The following GFRA2 variants were observed in gnomAD, a reference collection of about 807,000 sequenced individuals.
GFRA2 encodes the protein GDNF family receptor alpha-2.
GFRA2 carries 17 observed loss-of-function variants against 48.3 expected under a neutral mutation model. That is an observed-to-expected ratio of 0.35 (90% CI 0.24 to 0.53). The LOEUF is 0.53. Among genes scored for constraint, GFRA2 ranks in the 20% least tolerant of loss-of-function variants. The pLI is 0.93. For synonymous variants in GFRA2, 305 were observed against 257.2 expected, an observed-to-expected ratio of 1.19 and a Z score of -1.78; for missense variants, 660 against 637.3, an observed-to-expected ratio of 1.04 and a Z score of -0.38.
At chr8:21,694,742 A>C (rs1802070372) in intron 7 of GFRA2, among the ~76,000 whole-genome samples, 1 of 152,178 alleles carries the variant, frequency 6.6e-6, no homozygotes, top group Non-Finnish European at 1.5e-5. Context: ...TGGAGAACAG[A>C]GTTCTAACTC....
chr8:21,698,341 A>G (rs1802311653), intron 7 of GFRA2, among the ~76,000 whole-genome samples: 1 of 152,236 alleles, frequency 6.6e-6, no homozygotes, highest in South Asian at 2.1e-4. Context: ...GAAGAAGGAC[A>G]GTGGGAAAGG....
At chr8:21,733,426 G>A (rs754639908) in intron 4 of GFRA2, among the ~76,000 whole-genome samples, 3 of 152,122 alleles carry the variant, frequency 2.0e-5, no homozygotes, top group Admixed American at 1.3e-4. Context: ...CCCCAGCATC[G>A]GCTTAGAATG....
intron 4 of GFRA2, among the ~76,000 whole-genome samples, chr8:21,749,012 C>T (rs922614587): frequency 6.6e-6 from 1 of 152,178 alleles, no homozygotes. Context: ...ATGGCAGATG[C>T]CCCTCTCCTG....
In GFRA2 at chr8:21,750,753, C is replaced by T. The variant is rs532186500; in HGVS notation, c.629G>A (p.Arg210Gln). Reference sequence around the variant, plus strand: ...GCGGTAGGTGTACTCGCTGGGCACCCGGTCGAAGAACTGGCGCAGGGCCTT... The same window carrying T: ...GCGGTAGGTGTACTCGCTGGGCACCTGGTCGAAGAACTGGCGCAGGGCCTT... ...CHKALRQFFD[R>Q]VPSEYTYRML... is the part of the protein sequence containing the mutation. The change falls in exon 4 of 9, where the codon CGG (arginine) becomes CAG (glutamine). Residue 210 changes from arginine to glutamine, a missense_variant. By Grantham distance (43) the Arg-to-Gln change is conservative. Transcript: ENST00000524240. This position sits in a 1 kb window ranked among gnomAD's most constrained non-coding sequence, Gnocchi z 5.7. The T allele has an allele frequency of 8.1e-6, 13 of 1,613,940 alleles. No homozygotes were observed. Among genetic ancestry groups the T allele is most frequent in the African/African-American group, 5.3e-5 (4 of 75,040 alleles).
chr8:21,728,260 A>C (rs1803983875), intron 4 of GFRA2, among the ~76,000 whole-genome samples: 1 of 130,384 alleles, frequency 7.7e-6, no homozygotes. Flanking sequence ...GACTCCGGGA[A>C]CCAGGTTTTT....
At chr8:21,753,782 T>G (rs887139064) in intron 3 of GFRA2, among the ~76,000 whole-genome samples, 5 of 152,238 alleles carry the variant, frequency 3.3e-5, no homozygotes, top group Non-Finnish European at 7.3e-5. Context: ...CAAGCAAATG[T>G]AGAATTATAT....
chr8:21,706,584 G>A (rs1040762953), intron 4 of GFRA2, among the ~76,000 whole-genome samples: 5 of 152,086 alleles, frequency 3.3e-5, no homozygotes, highest in South Asian at 4.1e-4. Flanking sequence ...GACATGCCAC[G>A]GGCATCCTCC....
chr8:21,734,619 A>T (rs1371288196), intron 4 of GFRA2, among the ~76,000 whole-genome samples: 1 of 152,222 alleles, frequency 6.6e-6, no homozygotes, highest in Non-Finnish European at 1.5e-5. Flanking sequence ...TTTTTGACTC[A>T]CTGTCCAGTT....
At chr8:21,783,189 T>A in intron 1 of GFRA2, 1 of 583,602 alleles carries the variant, frequency 1.7e-6, no homozygotes, top group Non-Finnish European at 3.2e-6. Flanking sequence ...GCTCAAGACC[T>A]CAGTCTAAGA....
intron 4 of GFRA2, among the ~76,000 whole-genome samples, chr8:21,749,784 T>C (rs1312120005): frequency 4.6e-5 from 7 of 151,450 alleles, no homozygotes; most frequent in African/African-American, 7.3e-5. Flanking sequence ...TTGAATCCTG[T>C]CTTTACCACT....
chr8:21,720,359 G>T (rs1177150816), intron 4 of GFRA2, among the ~76,000 whole-genome samples: 1 of 152,202 alleles, frequency 6.6e-6, no homozygotes, highest in Non-Finnish European at 1.5e-5. Flanking sequence ...ACCTTTCTGT[G>T]ACTGAGCTCC....
chr8:21,788,768 A>G lies in GFRA2; in HGVS notation c.-609T>C. Reference sequence around the variant, plus strand: ...ACCCTTGCTCGGCTCACTTTTTTCTAATGGAATTCCAGTGACCGTGTGTCT... The same window carrying G: ...ACCCTTGCTCGGCTCACTTTTTTCTGATGGAATTCCAGTGACCGTGTGTCT... On this transcript the variant is annotated 5_prime_UTR_variant, in exon 1 of 9. Coordinates refer to ENST00000524240, the MANE Select transcript of GFRA2 (RefSeq NM_001495.5). The G allele has an allele frequency of 1.0e-6, 1 of 985,274 alleles. No individual in the cohort carries two copies. The highest frequency in any genetic ancestry group is 1.7e-5 in the African/African-American group (1 of 57,296). 61.0% of individuals were successfully genotyped at this position (985,274 alleles called of 1,614,324 possible).
intron 1 of GFRA2, among the ~76,000 whole-genome samples, chr8:21,787,919 G>T (rs1807363861): frequency 6.6e-6 from 1 of 151,872 alleles, no homozygotes; most frequent in African/African-American, 2.4e-5. Flanking sequence ...ATCCCCCTGC[G>T]TCGCCAGCCA....
chr8:21,714,854 CT>C (rs1332811752), intron 4 of GFRA2, among the ~76,000 whole-genome samples: 1 of 152,006 alleles, frequency 6.6e-6, no homozygotes, highest in Non-Finnish European at 1.5e-5. Flanking sequence ...GAATGGGGCA[CT>C]TGAATATTTC....
At chr8:21,793,975 C>A (rs1411589141) in intron 2 of GFRA2, among the ~76,000 whole-genome samples, 1 of 151,564 alleles carries the variant, frequency 6.6e-6, no homozygotes, top group African/African-American at 2.4e-5. Flanking sequence ...GTCATCCTCG[C>A]CCCTCAGCCT....
At chr8:21,783,074 T>C (rs1022545917) in intron 1 of GFRA2, 175 bp from the exon 2 acceptor site, 18 of 717,262 alleles carry the variant, frequency 2.5e-5, no homozygotes, top group Non-Finnish European at 4.0e-5. Context: ...TCAGGCATCA[T>C]CCTCCCCTGG....
At chr8:21,728,913 G>T (rs938040054) in intron 4 of GFRA2, among the ~76,000 whole-genome samples, 1 of 152,224 alleles carries the variant, frequency 6.6e-6, no homozygotes, top group Non-Finnish European at 1.5e-5. Flanking sequence ...CTACTGGATG[G>T]AGGGGGTAGT....
chr8:21,701,613 C>T (rs1002340842), intron 7 of GFRA2, among the ~76,000 whole-genome samples: 1 of 152,062 alleles, frequency 6.6e-6, no homozygotes. Context: ...CCTCCCCAGC[C>T]CCCGGATTTG....
At chr8:21,793,311 C>G (rs2117104056), upstream of GFRA2, among the ~76,000 whole-genome samples, 3 of 152,078 alleles carry the variant, frequency 2.0e-5, no homozygotes, top group South Asian at 6.2e-4. Flanking sequence ...GACCAGGGGC[C>G]AATTAGGAGG....
Sources: gnomAD v4.1 joint callset for allele counts (sites outside exome capture counted in the v4.1 genomes callset) on GRCh38, gnomAD v4.1.1 for gene constraint, Gnocchi (gnomAD v3.1) non-coding constraint, MANE v1.5 for transcripts, NCBI Gene and HGNC (gene_info 2026-07-23, HGNC 2026-07-21) for gene names.